Variants in VWF observed in about 807,000 individuals in gnomAD.
VWF encodes von Willebrand factor, also known as Factor VIII related antigen.
A neutral mutation model predicts 308.6 loss-of-function variants in VWF; 176 were observed. The ratio of observed to expected loss-of-function variants is 0.57; its 90% CI spans 0.50 to 0.65. The LOEUF is 0.65. VWF is among the 30% of genes least tolerant of loss of function. The probability of loss-of-function intolerance (pLI) is 0.00; values close to 1 mark genes in which losing one functional copy is unlikely to be tolerated. For missense variants in VWF, 3,146 were observed against 3,648.2 expected (o/e 0.86, Z 3.55); for synonymous variants, 1,385 against 1,443.4 (o/e 0.96, Z 0.92).
At chr12:6,086,855 T>C (rs1387611808) in intron 6 of VWF, among the ~76,000 whole-genome samples, 2 of 152,150 alleles carry the variant, frequency 1.3e-5, no homozygotes, top group Non-Finnish European at 1.5e-5. Flanking sequence ...CTGTGCCTCT[T>C]TGGGCTACTG....
At chr12:6,118,376 CTTTTTTTTTTTTTTTTT>C (rs71064189) in intron 3 of VWF, among the ~76,000 whole-genome samples, 10 of 65,486 alleles carry the variant, frequency 1.5e-4, no homozygotes, top group African/African-American at 4.0e-4. Flanking sequence ...CCTCTGGTCA[CTTTTTTTTTTTTTTTTT>C]TTTTTTTTTT....
chr12:6,099,070 TG>T (rs1945134335), intron 5 of VWF, among the ~76,000 whole-genome samples: 1 of 150,694 alleles, frequency 6.6e-6, no homozygotes, highest in Non-Finnish European at 1.5e-5. Context: ...CTATAATTCT[TG>T]CACTTTGGGA....
intron 34 of VWF, among the ~76,000 whole-genome samples, chr12:6,000,811 C>CAAAAAAAAAAA (rs71064181): frequency 1.4e-5 from 1 of 69,804 alleles, no homozygotes; most frequent in Non-Finnish European, 2.6e-5. Context: ...GACTCTGTCT[C>CAAAAAAAAAAA]AAAAAAAAAA....
chr12:6,106,123 G>A (rs182591784), intron 5 of VWF, among the ~76,000 whole-genome samples: 73 of 152,284 alleles, frequency 4.8e-4, no homozygotes, highest in Admixed American at 2.8e-3. Flanking sequence ...ATTCACTATA[G>A]GCAAAACGTG....
chr12:6,029,511 A>G, intron 21 of VWF, 23 bp from the exon 22 acceptor site: 1 of 1,613,868 alleles, frequency 6.2e-7, no homozygotes, highest in East Asian at 2.2e-5. Context: ...AAAGCAAGAA[A>G]TCCAGGAGGA....
At chr12:6,027,926 C>A (rs966343380) in intron 22 of VWF, among the ~76,000 whole-genome samples, 2 of 151,944 alleles carry the variant, frequency 1.3e-5, no homozygotes, top group Non-Finnish European at 2.9e-5. Context: ...ATCCACAGCG[C>A]CTAGGACCAC....
chr12:6,007,099 GTGA>G (rs1591855599), intron 34 of VWF, among the ~76,000 whole-genome samples: 2 of 152,158 alleles, frequency 1.3e-5, no homozygotes, highest in Admixed American at 1.3e-4. Flanking sequence ...ATTGACAGAA[GTGA>G]TGATAAATAT....
chr12:6,043,777 A>G (rs1027382772), intron 18 of VWF, among the ~76,000 whole-genome samples: 2 of 152,232 alleles, frequency 1.3e-5, no homozygotes, highest in African/African-American at 2.4e-5. Flanking sequence ...CACGACTCAC[A>G]TTACAGATGA....
chr12:6,104,981 T>C (rs555341700), intron 5 of VWF, among the ~76,000 whole-genome samples: 16 of 152,022 alleles, frequency 1.1e-4, no homozygotes, highest in Non-Finnish European at 1.8e-4. Context: ...TTATGTTAAG[T>C]GAAACAAACC....
chr12:6,088,643 AGTCCTTGCTGGCCTTCCCCAGTCT>A (rs1360828737), intron 6 of VWF, among the ~76,000 whole-genome samples: 132 of 152,278 alleles, frequency 8.7e-4, no homozygotes, highest in African/African-American at 3.0e-3. Flanking sequence ...TGTAAGGTTC[AGTCCTTGCTGGCCTTCCCCAGTCT>A]GATCGAATTT....
intron 5 of VWF, among the ~76,000 whole-genome samples, chr12:6,100,871 A>G (rs972960501): frequency 2.0e-5 from 3 of 152,180 alleles, no homozygotes; most frequent in African/African-American, 7.2e-5. Context: ...GTGCACATGT[A>G]CCCTAAAACT....
At chr12:6,007,879 G>A (rs542310990) in intron 34 of VWF, among the ~76,000 whole-genome samples, 13 of 152,072 alleles carry the variant, frequency 8.5e-5, no homozygotes, top group South Asian at 2.1e-4. Context: ...AATTGATAGC[G>A]CAGAAATAAA....
In VWF at chr12:6,013,583, C is replaced by A. The variant is rs376350586; in HGVS notation, c.5518G>T (p.Ala1840Ser). The A allele has an allele frequency of 9.9e-6, 16 of 1,613,810 alleles. No homozygotes were observed. The highest frequency in any genetic ancestry group is 1.3e-5 in the African/African-American group (1 of 74,900). The change falls in exon 32 of 52, where the codon GCA becomes TCA. Residue 1840 changes from alanine (A) to serine (S), a missense_variant. Physicochemically the swap from Ala to Ser is moderately conservative, Grantham distance 99. Transcript: ENST00000261405. ...ACGTTGGAGTCGCCTGCTGGGCCTG[C>A]CAAGATCCGTAGCTGGGCTGCATCG... Reference protein sequence around the residue: ...RYDAAQLRILAGPAGDSNVVK... With the variant: ...RYDAAQLRILSGPAGDSNVVK...
chr12:5,968,131 A>T lies in VWF; in HGVS notation c.7766T>A (p.Ile2589Asn), dbSNP rs374131634. Residue 2589 changes from isoleucine to asparagine, a missense_variant, in exon 46 of 52, where the codon ATT (isoleucine) becomes AAT (asparagine). Ile to Asn is a moderately radical substitution (Grantham distance 149, BLOSUM62 -3). Around this residue, in one of 3 missense-constraint regions of VWF, gnomAD observed 989 missense variants for 1,117.4 expected, o/e 0.89. Transcript: ENST00000261405. The stretch of plus-strand genomic sequence containing the variant: ...GAGAAGAGGACAGCGGCTCACCCCA[A>T]TGACAGTGCCATTGAGCATGCAGGC... The part of the protein sequence containing the change: ...MEACMLNGTV[I>N]GPGKTVMIDV... 6.2e-7 allele frequency: 1 copy of T among 1,613,950 alleles called. No homozygotes were observed. The highest frequency in any genetic ancestry group is 1.1e-5 in the South Asian group (1 of 91,070).
chr12:6,056,444 T>G (rs886076618), intron 15 of VWF, among the ~76,000 whole-genome samples: 1 of 151,886 alleles, frequency 6.6e-6, no homozygotes, highest in Non-Finnish European at 1.5e-5. Flanking sequence ...AGCAAAGGGT[T>G]TGTATGTGAA....
chr12:5,966,035 G>A (rs1371052207), intron 47 of VWF, among the ~76,000 whole-genome samples: 2 of 152,192 alleles, frequency 1.3e-5, no homozygotes, highest in Non-Finnish European at 2.9e-5. Flanking sequence ...CGGAGGAAGC[G>A]GCTGTGGCTC....
chr12:5,952,356 G>C (rs1591828269), intron 49 of VWF, 35 bp downstream of exon 49: 1 of 1,613,050 alleles, frequency 6.2e-7, no homozygotes, highest in Non-Finnish European at 8.5e-7. Flanking sequence ...CTTAGAGATT[G>C]AGACAGTAAA....
intron 47 of VWF, among the ~76,000 whole-genome samples, chr12:5,956,623 C>T (rs1460518713): frequency 7.0e-6 from 1 of 143,678 alleles, no homozygotes. Context: ...GCCTGGGTGA[C>T]GAATGAGACC....
chr12:5,955,188 A>G (rs1943233657), intron 47 of VWF, among the ~76,000 whole-genome samples: 1 of 152,186 alleles, frequency 6.6e-6, no homozygotes, highest in Admixed American at 6.5e-5. Flanking sequence ...AGACACAGAA[A>G]TGGCCCCAGT....
Sources: allele counts gnomAD v4.1 joint callset (sites outside exome capture counted in the v4.1 genomes callset), GRCh38; gene constraint gnomAD v4.1.1; regional missense constraint gnomAD v4.1.1; transcripts MANE v1.5; gene names NCBI Gene and HGNC (gene_info 2026-07-23, HGNC 2026-07-21).